GRXCR1: variants seen among roughly 807,000 people sequenced by gnomAD.
The protein encoded by GRXCR1 is glutaredoxin and cysteine rich domain containing 1.
Under a neutral mutation model 27.3 loss-of-function variants are expected in GRXCR1, and 27 were observed. The observed-to-expected ratio is 0.99, with a 90% CI of 0.73 to 1.37. The LOEUF is 1.37. Ranked by LOEUF, GRXCR1 falls within the 40% of genes most tolerant of loss-of-function variation. GRXCR1 has a pLI of 0.00. For missense variants in GRXCR1, 379 were observed against 354.4 expected (o/e 1.07, Z -0.56); for synonymous variants, 122 against 131.1 (o/e 0.93, Z 0.47).
chr4:43,012,698 T>C (rs1439597632), intron 2 of GRXCR1, among the ~76,000 whole-genome samples: 1 of 152,082 alleles, frequency 6.6e-6, no homozygotes, highest in Non-Finnish European at 1.5e-5. Context: ...AATGAGAAAA[T>C]TGAGTCTTTA....
In GRXCR1 at chr4:42,972,381, A is replaced by C. The variant is rs569970312; in HGVS notation, c.627+9247A>C. 2.0e-5 allele frequency among the ~76,000 whole-genome samples: 3 copies of C among 152,288 alleles called. No homozygotes were observed. The South Asian group carries it at 6.2e-4, about 32-fold the overall frequency. On this transcript the variant is annotated intron_variant, in intron 2 of 3. Coordinates refer to ENST00000399770, the MANE Select transcript of GRXCR1 (RefSeq NM_001080476.3). ...TTGGTAATAGGCAAGATAAGTGTTA[A>C]ATCTTCAAGCTTTGTTGTTTAAAGC...
At chr4:42,962,721 A>C (rs1394617652) in intron 1 of GRXCR1, among the ~76,000 whole-genome samples, 171 bp from the exon 2 acceptor site, 3 of 152,032 alleles carry the variant, frequency 2.0e-5, no homozygotes, top group Non-Finnish European at 4.4e-5. Context: ...ATTGATTGCT[A>C]TCTGTATCCC....
At chr4:42,930,210 G>A (rs1019852158) in intron 1 of GRXCR1, among the ~76,000 whole-genome samples, 4 of 152,002 alleles carry the variant, frequency 2.6e-5, no homozygotes, top group African/African-American at 9.7e-5. Flanking sequence ...ACTAGGGGAA[G>A]GGATCCCAGC....
chr4:42,983,430 C>T (rs1369138148), intron 2 of GRXCR1, among the ~76,000 whole-genome samples: 1 of 151,436 alleles, frequency 6.6e-6, no homozygotes, highest in Non-Finnish European at 1.5e-5. Flanking sequence ...TGTTTTGGTA[C>T]CAGTAGCATG....
At chr4:43,018,480 C>T (rs549403952) in intron 2 of GRXCR1, among the ~76,000 whole-genome samples, 11 of 152,236 alleles carry the variant, frequency 7.2e-5, no homozygotes, top group Middle Eastern at 3.4e-3. Flanking sequence ...AATCTTCTCC[C>T]GTGGTAGTAA....
At chr4:43,012,820 C>T (rs1285408920) in intron 2 of GRXCR1, among the ~76,000 whole-genome samples, 3 of 151,936 alleles carry the variant, frequency 2.0e-5, no homozygotes, top group Non-Finnish European at 4.4e-5. Context: ...TTAATCACTG[C>T]GTTCTAAAAA....
intron 1 of GRXCR1, among the ~76,000 whole-genome samples, chr4:42,901,259 T>C (rs1746454322): frequency 6.6e-6 from 1 of 152,158 alleles, no homozygotes; most frequent in Admixed American, 6.5e-5. Flanking sequence ...ACAAATCAAA[T>C]CACTACAAAC....
intron 2 of GRXCR1, among the ~76,000 whole-genome samples, chr4:43,002,343 C>T (rs1469789818): frequency 6.6e-6 from 1 of 152,260 alleles, no homozygotes; most frequent in East Asian, 1.9e-4. Context: ...TTCCACAGTG[C>T]ATTGTGCCCC....
chr4:43,015,299 G>C lies in GRXCR1; in HGVS notation c.628-5055G>C, dbSNP rs181363275. On this transcript the variant is annotated intron_variant, in intron 2 of 3. Transcript: ENST00000399770. The stretch of plus-strand genomic sequence containing the variant: ...TAGAAGATACTCTAACAAGTAGTAT[G>C]AGGTAAACAATAATATTTATTTATC... Among the ~76,000 whole-genome samples, 108 of 152,216 alleles carry C rather than the reference G, an allele frequency of 7.1e-4. 1 individual carries two copies. The highest frequency in any genetic ancestry group is 2.5e-3 in the African/African-American group (102 of 41,540).
chr4:42,936,883 A>C (rs987960132), intron 1 of GRXCR1, among the ~76,000 whole-genome samples: 2 of 151,956 alleles, frequency 1.3e-5, no homozygotes, highest in Non-Finnish European at 2.9e-5. Flanking sequence ...TGCTATCAAC[A>C]TGACTTTTCA....
At chr4:42,975,256 G>A (rs1476710236) in intron 2 of GRXCR1, among the ~76,000 whole-genome samples, 1 of 152,126 alleles carries the variant, frequency 6.6e-6, no homozygotes, top group Non-Finnish European at 1.5e-5. Context: ...TGGGCCTAGA[G>A]GGATTGAATA....
chr4:42,935,573 G>A (rs1747436638), intron 1 of GRXCR1, among the ~76,000 whole-genome samples: 1 of 151,768 alleles, frequency 6.6e-6, no homozygotes, highest in Admixed American at 6.6e-5. Context: ...TGTCTTAGGC[G>A]AGTAAGAAAT....
chr4:42,922,283 G>A (rs929371361), intron 1 of GRXCR1, among the ~76,000 whole-genome samples: 2 of 152,032 alleles, frequency 1.3e-5, no homozygotes, highest in African/African-American at 2.4e-5. Flanking sequence ...GTGGCCCAAG[G>A]CCTTCTGTCC....
chr4:42,955,961 G>C (rs973158858), intron 1 of GRXCR1, among the ~76,000 whole-genome samples: 2 of 152,096 alleles, frequency 1.3e-5, no homozygotes, highest in African/African-American at 4.8e-5. Context: ...TTCTTGGCCT[G>C]AATTCCAGGA....
In GRXCR1 at chr4:43,030,478, G is replaced by A; in HGVS notation, c.811G>A (p.Ala271Thr). Residue 271 changes from alanine (A) to threonine (T), a missense_variant, in exon 4 of 4, where the codon GCC becomes ACC. Coordinates refer to ENST00000399770, the MANE Select transcript of GRXCR1 (RefSeq NM_001080476.3). ...AAACTGCTTCACAGACTCTTTCAAA[G>A]CCCTGAAGTGTACGGCTTGCAATGA... ...FRNCFTDSFK[A>T]LKCTACNENG... is the part of the protein sequence containing the mutation. 1 of 1,614,094 alleles carries A rather than the reference G, an allele frequency of 6.2e-7. No homozygotes were observed. Among genetic ancestry groups the A allele is most frequent in the Non-Finnish European group, 8.5e-7 (1 of 1,179,986 alleles).
intron 2 of GRXCR1, among the ~76,000 whole-genome samples, chr4:42,988,489 A>G (rs943083419): frequency 2.6e-5 from 4 of 152,214 alleles, no homozygotes; most frequent in African/African-American, 9.6e-5. Context: ...CCTTTTTCCT[A>G]GGTTCAAAAA....
chr4:42,920,498 G>A (rs1380296204), intron 1 of GRXCR1, among the ~76,000 whole-genome samples: 1 of 152,090 alleles, frequency 6.6e-6, no homozygotes, highest in African/African-American at 2.4e-5. Flanking sequence ...AAATAGCATT[G>A]TAATGTATGG....
intron 2 of GRXCR1, among the ~76,000 whole-genome samples, chr4:42,979,193 T>G (rs1041655441): frequency 6.6e-5 from 10 of 152,044 alleles, no homozygotes; most frequent in African/African-American, 2.4e-4. Flanking sequence ...CTTACCTAAT[T>G]GTTATGGCTA....
At chr4:43,020,507 C>CT in intron 3 of GRXCR1, 88 bp downstream of exon 3, 1 of 843,076 alleles carries the variant, frequency 1.2e-6, no homozygotes, top group East Asian at 2.6e-5. Flanking sequence ...TGAATTCTCT[C>CT]TCCCCATGTT....
Sources: allele counts gnomAD v4.1 joint callset (sites outside exome capture counted in the v4.1 genomes callset), GRCh38; gene constraint gnomAD v4.1.1; transcripts MANE v1.5; gene names NCBI Gene and HGNC (gene_info 2026-07-23, HGNC 2026-07-21).